TPO: variants seen among roughly 807,000 people sequenced by gnomAD.
TPO encodes thyroid microsomal antigen.
TPO carries 78 observed loss-of-function variants against 96.9 expected under a neutral mutation model. The observed-to-expected ratio is 0.81, with a 90% confidence interval of 0.67 to 0.97. The LOEUF is 0.97. TPO is among the 50% of genes least tolerant of loss of function. The pLI is 0.00. For synonymous variants in TPO, 547 were observed against 538.0 expected, an observed-to-expected ratio of 1.02 and a Z score of -0.23; for missense variants, 1,252 against 1,274.8, an observed-to-expected ratio of 0.98 and a Z score of 0.27.
chr2:1,439,894 T>C (rs564499010), intron 5 of TPO, among the ~76,000 whole-genome samples: 1 of 152,258 alleles, frequency 6.6e-6, no homozygotes, highest in South Asian at 2.1e-4. Context: ...AAGGCATGTG[T>C]GTGTCTCTGC....
At position 1,441,716 on chromosome 2, in the gene TPO, G is replaced by A. The variant is rs538759261; in HGVS notation, c.482+5332G>A. Among the ~76,000 whole-genome samples, 5 of 152,270 alleles carry A rather than the reference G, an allele frequency of 3.3e-5. No individual in the cohort carries two copies. The South Asian group carries it at 8.3e-4, about 25-fold the overall frequency. On this transcript the variant is annotated intron_variant, in intron 5 of 16. Coordinates refer to ENST00000329066, the MANE Select transcript of TPO (RefSeq NM_001206744.2). Reference sequence around the variant, plus strand: ...GGAGGTGGGTGTGGGCAGGGGTCACGTCACTTGCAGGTTGCCTTTGCTAGA... The same window carrying A: ...GGAGGTGGGTGTGGGCAGGGGTCACATCACTTGCAGGTTGCCTTTGCTAGA...
intron 7 of TPO, among the ~76,000 whole-genome samples, chr2:1,457,822 G>A (rs574160846): frequency 1.9e-4 from 29 of 152,074 alleles, no homozygotes; most frequent in South Asian, 4.1e-4. Flanking sequence ...TTGTGTGGTC[G>A]TGTATATAGC....
intron 1 of TPO, among the ~76,000 whole-genome samples, chr2:1,402,155 T>A (rs1662182299): frequency 6.6e-6 from 1 of 152,078 alleles, no homozygotes; most frequent in African/African-American, 2.4e-5. Flanking sequence ...GCCCCAAGCC[T>A]CTCCACCTAA....
intron 1 of TPO, among the ~76,000 whole-genome samples, chr2:1,381,723 T>G (rs1051476329): frequency 2.6e-5 from 4 of 152,214 alleles, no homozygotes; most frequent in African/African-American, 9.7e-5. Flanking sequence ...GATGTTAACA[T>G]GAAGATGTGC....
chr2:1,542,317 G>GA, intron 16 of TPO, 104 bp from the exon 17 acceptor site: 3 of 1,491,716 alleles, frequency 2.0e-6, no homozygotes. Flanking sequence ...GGTCCTTTGT[G>GA]AAAAGAGCTC....
chr2:1,438,950 C>T (rs1434010707), intron 5 of TPO: 2 of 688,326 alleles, frequency 2.9e-6, no homozygotes, highest in East Asian at 2.7e-5. Context: ...CTACATCCAC[C>T]TGCAAAGCCT....
intron 5 of TPO, among the ~76,000 whole-genome samples, chr2:1,449,487 C>T (rs963755338): frequency 3.9e-5 from 6 of 152,104 alleles, no homozygotes; most frequent in African/African-American, 1.4e-4. Flanking sequence ...TTGACACAAT[C>T]GTCTCCTTTT....
At chr2:1,433,102 A>G (rs995155131) in intron 3 of TPO, among the ~76,000 whole-genome samples, 1 of 152,132 alleles carries the variant, frequency 6.6e-6, no homozygotes, top group Non-Finnish European at 1.5e-5. Context: ...GCTGGGATGT[A>G]AACAAATCAT....
chr2:1,379,522 C>T (rs759675743), intron 1 of TPO, among the ~76,000 whole-genome samples: 12 of 152,132 alleles, frequency 7.9e-5, no homozygotes, highest in Non-Finnish European at 1.8e-4. Flanking sequence ...ATAAGCCCCT[C>T]GGCTCTGGGG....
intron 5 of TPO, among the ~76,000 whole-genome samples, chr2:1,448,369 C>G (rs1163240312): frequency 6.6e-6 from 1 of 152,198 alleles, no homozygotes; most frequent in African/African-American, 2.4e-5. Flanking sequence ...TGAGCCTCTG[C>G]CGAGCCCTCC....
At chr2:1,439,024 C>G (rs2148513276) in intron 5 of TPO, 3 of 562,734 alleles carry the variant, frequency 5.3e-6, no homozygotes, top group East Asian at 2.8e-5. Context: ...ATTCATAAAT[C>G]ATGATCACTC....
At position 1,513,086 on chromosome 2, in the gene TPO, C is replaced by T. The variant is rs143446427; in HGVS notation, c.2519-3797C>T. Reference sequence around the variant, plus strand: ...GCCATCAGTGCCCTCTCTGTACAGACGGAGCAGGCCAGCAGGACCCAGCAC... The same window carrying T: ...GCCATCAGTGCCCTCTCTGTACAGATGGAGCAGGCCAGCAGGACCCAGCAC... On this transcript the variant is annotated intron_variant, in intron 14 of 16. Transcript: ENST00000329066. Among the ~76,000 whole-genome samples, 993 of 152,324 alleles carry T rather than the reference C, an allele frequency of 6.5e-3. 6 individuals are homozygous for T. The highest frequency in any genetic ancestry group is 0.01 in the Non-Finnish European group (690 of 68,034).
chr2:1,419,292 A>G (rs549861806), intron 2 of TPO, among the ~76,000 whole-genome samples: 5 of 152,158 alleles, frequency 3.3e-5, no homozygotes, highest in Non-Finnish European at 7.4e-5. Context: ...CAAACTCCCT[A>G]AGTCTATGGT....
At chr2:1,480,494 G>C (rs1335734971) in intron 8 of TPO, among the ~76,000 whole-genome samples, 1 of 149,978 alleles carries the variant, frequency 6.7e-6, no homozygotes, top group Non-Finnish European at 1.5e-5. Context: ...ATAATGAAAA[G>C]AGATGCCAGG....
intron 14 of TPO, chr2:1,512,506 A>G (rs995833107): frequency 1.0e-6 from 1 of 983,734 alleles, no homozygotes; most frequent in Non-Finnish European, 1.2e-6. Context: ...GATGGATGTG[A>G]TGCTTGCATG....
intron 14 of TPO, chr2:1,512,392 T>G: frequency 1.0e-6 from 1 of 985,448 alleles, no homozygotes; most frequent in Non-Finnish European, 1.2e-6. Flanking sequence ...CCTCTCCAGA[T>G]CCTGCCCCCG....
intron 5 of TPO, among the ~76,000 whole-genome samples, chr2:1,449,556 G>A (rs749418678): frequency 2.0e-5 from 3 of 152,182 alleles, no homozygotes; most frequent in Non-Finnish European, 4.4e-5. Context: ...AAGAACAAAT[G>A]TGTGTCTATT....
At chr2:1,510,099 T>C (rs1304661999) in intron 14 of TPO, among the ~76,000 whole-genome samples, 1 of 152,216 alleles carries the variant, frequency 6.6e-6, no homozygotes, top group African/African-American at 2.4e-5. Flanking sequence ...AATAGTATCC[T>C]CTCTTCCTTT....
intron 15 of TPO, among the ~76,000 whole-genome samples, chr2:1,537,200 TCC>T (rs1214723563): frequency 9.4e-5 from 3 of 32,044 alleles, no homozygotes; most frequent in Non-Finnish European, 1.7e-4. Flanking sequence ...CCTCCCCAAA[TCC>T]CCCCACTGTG....
Sources: allele counts gnomAD v4.1 joint callset (sites outside exome capture counted in the v4.1 genomes callset), GRCh38; gene constraint gnomAD v4.1.1; transcripts MANE v1.5; gene names NCBI Gene and HGNC (gene_info 2026-07-23, HGNC 2026-07-21).